IPP: variants seen among roughly 807,000 people sequenced by gnomAD.
IPP encodes intracisternal A particle-promoted polypeptide, also known as actin-binding protein IPP.
A neutral mutation model predicts 64.1 loss-of-function variants in IPP; 41 were observed. The ratio of observed to expected loss-of-function variants is 0.64; its 90% CI spans 0.50 to 0.83. The LOEUF is 0.83. IPP is among the 40% of genes least tolerant of loss of function. The probability of loss-of-function intolerance (pLI) is 0.00; values close to 1 mark genes in which losing one functional copy is unlikely to be tolerated. For synonymous variants in IPP, 214 were observed against 235.2 expected, an observed-to-expected ratio of 0.91 and a Z score of 0.83; for missense variants, 649 against 703.0, an observed-to-expected ratio of 0.92 and a Z score of 0.87.
chr1:45,732,729 C>A (rs1336758931), intron 3 of IPP, among the ~76,000 whole-genome samples: 1 of 152,024 alleles, frequency 6.6e-6, no homozygotes, highest in African/African-American at 2.4e-5. Context: ...TGCAGTGGTG[C>A]GATCTCAGCT....
At chr1:45,747,097 TGCGCGCATGCGCGCGCACACGAGC>T (rs561684254) in intron 1 of IPP, among the ~76,000 whole-genome samples, 1 of 151,844 alleles carries the variant, frequency 6.6e-6, no homozygotes, top group African/African-American at 2.4e-5. Context: ...CTACTCTTAG[TGCGCGCATGCGCGCGCACACGAGC>T]GCGCGCGCGC....
intron 8 of IPP, among the ~76,000 whole-genome samples, chr1:45,705,535 G>T (rs1032953860): frequency 2.6e-5 from 4 of 152,204 alleles, no homozygotes; most frequent in African/African-American, 9.6e-5. Flanking sequence ...CAGGTGCGGT[G>T]ATGGCTCACG....
At chr1:45,736,729 T>C (rs1306130269) in intron 3 of IPP, among the ~76,000 whole-genome samples, 1 of 151,970 alleles carries the variant, frequency 6.6e-6, no homozygotes, top group Non-Finnish European at 1.5e-5. Flanking sequence ...AATTTTAAAT[T>C]ATAAATTATA....
At chr1:45,707,462 T>A (rs572015136) in intron 8 of IPP, among the ~76,000 whole-genome samples, 5 of 143,348 alleles carry the variant, frequency 3.5e-5, no homozygotes, top group African/African-American at 1.3e-4. Context: ...TTAAAACTAA[T>A]ATTATTAATT....
chr1:45,729,833 T>C (rs1169160522), intron 3 of IPP, 64 bp from the exon 4 acceptor site: 1 of 953,028 alleles, frequency 1.0e-6, no homozygotes, highest in Non-Finnish European at 1.5e-6. Context: ...AAAAACACAT[T>C]TCTATAAAGA....
chr1:45,730,971 C>A (rs1381284636), intron 3 of IPP, among the ~76,000 whole-genome samples: 9 of 152,212 alleles, frequency 5.9e-5, no homozygotes, highest in Admixed American at 5.9e-4. Context: ...TCTAACAGAA[C>A]ACTGTGCTAG....
chr1:45,699,986 CT>C lies in IPP; in HGVS notation c.1734del (p.Gly580AlafsTer8), dbSNP rs753001571. The C allele has an allele frequency of 3.8e-5, 62 of 1,614,080 alleles. No homozygotes were observed. Among genetic ancestry groups the C allele is most frequent in the Non-Finnish European group, 5.3e-5 (62 of 1,180,042 alleles). On this transcript the variant is annotated frameshift_variant, in exon 9 of 9. Coordinates refer to ENST00000396478, the MANE Select transcript of IPP (RefSeq NM_005897.3). LOFTEE classifies it high-confidence loss of function. Reference protein sequence around the residue: ...EIGNMITSRCEGGVAVL With the variant: ...EIGNMITSRCXGGVAVL Reference sequence around the variant, plus strand: ...ATATTTCATAGCACAGCAACGCCCCCTTCACAACGACTGGTGATCATGTTAC... The same window carrying C: ...ATATTTCATAGCACAGCAACGCCCCCTCACAACGACTGGTGATCATGTTAC...
intron 2 of IPP, among the ~76,000 whole-genome samples, chr1:45,745,060 C>G (rs1646116941): frequency 6.6e-6 from 1 of 151,968 alleles, no homozygotes; most frequent in Admixed American, 6.6e-5. Flanking sequence ...GACCCTGTCT[C>G]AAACAAAATT....
chr1:45,695,413 A>T (rs1246374202), downstream of IPP, among the ~76,000 whole-genome samples: 1 of 151,836 alleles, frequency 6.6e-6, no homozygotes, highest in African/African-American at 2.4e-5. Context: ...CCTCCTGCCT[A>T]GGCTCCCAAA....
intron 3 of IPP, among the ~76,000 whole-genome samples, chr1:45,730,086 G>A (rs535959528): frequency 1.4e-4 from 22 of 152,304 alleles, no homozygotes; most frequent in African/African-American, 3.4e-4. Context: ...GGTAGCTCAC[G>A]CATGTAATCC....
At position 45,699,773 on chromosome 1, in the gene IPP, C is replaced by A. The variant is rs1466511843; in HGVS notation, c.*193G>T. ...AAATTCCTGGGCTCAAGTGATCCTT[C>A]TGCCTCAGCCTTCCAAAGTGCTGGG... On this transcript the variant is annotated 3_prime_UTR_variant, in exon 9 of 9. Transcript: ENST00000396478. The A allele has an allele frequency of 7.3e-7, 1 of 1,366,202 alleles. No homozygotes were observed. Among genetic ancestry groups the A allele is most frequent in the African/African-American group, 1.5e-5 (1 of 68,510 alleles). 84.6% of individuals were successfully genotyped at this position (1,366,202 alleles called of 1,614,324 possible). A position where few individuals can be genotyped will look rare whatever the true frequency, so the allele number is the denominator to read the frequency against.
intron 8 of IPP, among the ~76,000 whole-genome samples, chr1:45,713,084 G>A (rs528337638): frequency 3.3e-5 from 5 of 152,136 alleles, no homozygotes; most frequent in South Asian, 2.1e-4. Flanking sequence ...GTCTAAAATC[G>A]ATCATCTAAG....
chr1:45,707,542 C>T (rs1645527990), intron 8 of IPP, among the ~76,000 whole-genome samples: 2 of 151,514 alleles, frequency 1.3e-5, no homozygotes, highest in African/African-American at 4.8e-5. Flanking sequence ...AACAGATCTT[C>T]TAGAGCTAAA....
intron 3 of IPP, among the ~76,000 whole-genome samples, chr1:45,733,839 A>G (rs1010083097): frequency 6.6e-6 from 1 of 152,114 alleles, no homozygotes; most frequent in Non-Finnish European, 1.5e-5. Flanking sequence ...CTCAAAAAAA[A>G]AAAACAGTAT....
intron 8 of IPP, among the ~76,000 whole-genome samples, chr1:45,712,185 G>A (rs1326271241): frequency 6.6e-6 from 1 of 151,934 alleles, no homozygotes; most frequent in Admixed American, 6.6e-5. Context: ...AGGCATGGTG[G>A]CGCGTGCCTG....
chr1:45,708,019 T>A (rs1163474643), intron 8 of IPP, among the ~76,000 whole-genome samples: 1 of 151,466 alleles, frequency 6.6e-6, no homozygotes, highest in African/African-American at 2.4e-5. Context: ...GAAAAAAATC[T>A]AAGAGGAAAT....
intron 2 of IPP, among the ~76,000 whole-genome samples, chr1:45,745,832 T>G (rs1646126357): frequency 6.6e-6 from 1 of 151,918 alleles, no homozygotes; most frequent in Admixed American, 6.6e-5. Flanking sequence ...CCCACTGCAC[T>G]CCAGCTTGGG....
Position 45,729,779 on chromosome 1 carries a change from T to G in IPP, c.725-10A>C. 6.7e-7 allele frequency: 1 copy of G among 1,486,404 alleles called. No homozygotes were observed. The highest frequency in any genetic ancestry group is 9.1e-7 in the Non-Finnish European group (1 of 1,098,766). The allele number at this position is 1,486,404 out of a possible 1,614,324, so 92.1% of individuals were successfully genotyped here. A position where few individuals can be genotyped will look rare whatever the true frequency, so the allele number is the denominator to read the frequency against. On this transcript the variant is annotated splice_polypyrimidine_tract_variant and intron_variant, in intron 3 of 8. Transcript: ENST00000396478. ...TTAAAATCGGATACTCCTAAAACAATATTTAAAAAGACAATGTTTTAAACA... is the reference window on the plus strand; with the variant it reads ...TTAAAATCGGATACTCCTAAAACAAGATTTAAAAAGACAATGTTTTAAACA...
In IPP at chr1:45,743,143, G is replaced by A. The variant is rs563177887; in HGVS notation, c.293-1811C>T. Among the ~76,000 whole-genome samples the A allele has an allele frequency of 5.9e-5, 9 of 151,518 alleles. No homozygotes were observed. In the East Asian group the frequency reaches 1.8e-3, roughly 30 times the overall value. ...AGTAGGGACGAGGTTTCACCATGTT[G>A]GTCAGGCTGGTCTCGAACTCCTGGC... On this transcript the variant is annotated intron_variant, in intron 2 of 8. Transcript: ENST00000396478.
Sources: gnomAD v4.1 joint callset for allele counts (sites outside exome capture counted in the v4.1 genomes callset) on GRCh38, gnomAD v4.1.1 for gene constraint, MANE v1.5 for transcripts, NCBI Gene and HGNC (gene_info 2026-07-23, HGNC 2026-07-21) for gene names.